RBFOX1: variants seen among roughly 807,000 people sequenced by gnomAD.
The protein encoded by RBFOX1 is RNA binding fox-1 homolog 1, also known as RNA binding protein fox-1 homolog 1.
RBFOX1 carries 8 observed loss-of-function variants against 57.7 expected under a neutral mutation model. The observed-to-expected ratio is 0.14, with a 90% CI of 0.08 to 0.25. The LOEUF (loss-of-function observed/expected upper bound fraction) is 0.25, where lower values mean the gene tolerates loss of function less well. Among genes scored for constraint, RBFOX1 ranks in the 10% least tolerant of loss-of-function variants. The pLI is 1.00. For synonymous variants in RBFOX1, 326 were observed against 222.4 expected (o/e 1.47, Z -4.15); for missense variants, 611 against 548.5 (o/e 1.11, Z -1.14).
intron 4 of RBFOX1, among the ~76,000 whole-genome samples, chr16:5,993,399 C>CAG (rs61066524): frequency 0.016 from 1,098 of 70,342 alleles, 30 homozygotes; most frequent in African/African-American, 0.056. Context: ...GAGAGAGAGA[C>CAG]AGAGAGAGAG....
At chr16:5,349,033 C>T (rs1239035939) in intron 1 of RBFOX1, among the ~76,000 whole-genome samples, 1 of 152,158 alleles carries the variant, frequency 6.6e-6, no homozygotes, top group African/African-American at 2.4e-5. Flanking sequence ...ACAATCCCAT[C>T]CAAAATGTGC....
intron 3 of RBFOX1, among the ~76,000 whole-genome samples, chr16:5,679,980 A>G (rs1294248995): frequency 5.9e-5 from 9 of 152,330 alleles, no homozygotes; most frequent in African/African-American, 1.9e-4. Flanking sequence ...TGTTTTAAGA[A>G]AAGGAGGAAC....
chr16:6,483,363 C>T (rs757527433), intron 2 of RBFOX1: 81 of 1,500,966 alleles, frequency 5.4e-5, no homozygotes, highest in Non-Finnish European at 7.1e-5. Flanking sequence ...CCCGGGCGAG[C>T]GAAGGCGCGC....
At chr16:7,259,378 C>T (rs1174253140) in intron 4 of RBFOX1, among the ~76,000 whole-genome samples, 1 of 152,074 alleles carries the variant, frequency 6.6e-6, no homozygotes, top group Non-Finnish European at 1.5e-5. Flanking sequence ...GTTCAGCACA[C>T]ATCACATATA....
At chr16:5,645,871 T>C (rs2151344215) in intron 3 of RBFOX1, among the ~76,000 whole-genome samples, 2 of 152,308 alleles carry the variant, frequency 1.3e-5, no homozygotes, top group Middle Eastern at 6.8e-3. Context: ...GGTCTTGCTA[T>C]GTTGTTATGC....
At chr16:6,107,640 G>C (rs566982891) in intron 1 of RBFOX1, among the ~76,000 whole-genome samples, 1 of 150,000 alleles carries the variant, frequency 6.7e-6, no homozygotes, top group South Asian at 2.2e-4. Context: ...TGAATGAATT[G>C]GTGGACGGAT....
intron 3 of RBFOX1, among the ~76,000 whole-genome samples, chr16:5,848,540 A>T (rs1018136548): frequency 6.6e-6 from 1 of 152,250 alleles, no homozygotes; most frequent in Admixed American, 6.5e-5. Context: ...AACAAAGTTT[A>T]TACCCAGCAC....
Position 7,605,880 on chromosome 16 carries a change from C to T in RBFOX1, c.623-1405C>T, listed in dbSNP as rs555649477. ...TTGAGACAGAGTCTCACTCTGTCAC[C>T]TAGGCTGGAGTACAGTGGCACCATC... On this transcript the variant is annotated intron_variant, in intron 9 of 15. Coordinates refer to ENST00000550418, the MANE Select transcript of RBFOX1 (RefSeq NM_018723.4). Among the ~76,000 whole-genome samples the T allele has an allele frequency of 6.4e-4, 97 of 152,252 alleles. 1 individual carries two copies. Among genetic ancestry groups the T allele is most frequent in the Non-Finnish European group, 8.4e-4 (57 of 68,016 alleles).
chr16:5,764,551 A>G (rs2053709342), intron 3 of RBFOX1, among the ~76,000 whole-genome samples: 1 of 152,162 alleles, frequency 6.6e-6, no homozygotes, highest in Non-Finnish European at 1.5e-5. Flanking sequence ...TGATTTCTCT[A>G]AGATGCTAGA....
chr16:6,823,337 AC>A (rs1253630806), intron 3 of RBFOX1, among the ~76,000 whole-genome samples: 8 of 151,776 alleles, frequency 5.3e-5, no homozygotes, highest in Non-Finnish European at 1.2e-4. Flanking sequence ...ACTCACTGCA[AC>A]CTCCACCTCT....
chr16:6,154,993 C>T (rs754124212), intron 1 of RBFOX1, among the ~76,000 whole-genome samples: 18 of 152,102 alleles, frequency 1.2e-4, no homozygotes, highest in Non-Finnish European at 2.1e-4. Flanking sequence ...ATTCTCAATG[C>T]TTCCATTGTT....
chr16:6,026,756 T>C (rs1206766191), intron 1 of RBFOX1, among the ~76,000 whole-genome samples: 1 of 152,254 alleles, frequency 6.6e-6, no homozygotes, highest in Admixed American at 6.5e-5. Context: ...CCTTGGAGTC[T>C]CAAGGCCCTG....
intron 2 of RBFOX1, among the ~76,000 whole-genome samples, chr16:6,506,437 T>G (rs946988238): frequency 6.6e-6 from 1 of 151,288 alleles, no homozygotes; most frequent in Admixed American, 6.6e-5. Flanking sequence ...AAGGAGAGGG[T>G]TTCGTGGTCA....
intron 1 of RBFOX1, among the ~76,000 whole-genome samples, chr16:6,217,253 T>G (rs1254906290): frequency 7.0e-6 from 1 of 142,632 alleles, no homozygotes; most frequent in Non-Finnish European, 1.5e-5. Flanking sequence ...CTTTCAGAGA[T>G]ATATTTGAGA....
chr16:7,252,903 T>C (rs972174209), intron 4 of RBFOX1, among the ~76,000 whole-genome samples: 4 of 152,152 alleles, frequency 2.6e-5, no homozygotes, highest in African/African-American at 9.7e-5. Flanking sequence ...AGCCGTTATC[T>C]TAGAGCCTCC....
intron 2 of RBFOX1, among the ~76,000 whole-genome samples, chr16:6,366,289 G>A (rs1398556115): frequency 2.0e-5 from 3 of 152,020 alleles, no homozygotes. Context: ...TTTGACAGAT[G>A]TTCTAAACTC....
intron 1 of RBFOX1, among the ~76,000 whole-genome samples, chr16:5,339,470 G>GTGTTTTTTTTTTTTTTTTTTTTTTTTTT: frequency 2.4e-5 from 1 of 40,854 alleles, no homozygotes; most frequent in Non-Finnish European, 4.5e-5. Context: ...CTTTTTCCGT[G>GTGTTTTTTTTTTTTTTTTTTTTTTTTTT]TTTTTTTTTT....
At chr16:7,586,652 T>A (rs2094141950) in intron 6 of RBFOX1, among the ~76,000 whole-genome samples, 1 of 152,224 alleles carries the variant, frequency 6.6e-6, no homozygotes, top group Non-Finnish European at 1.5e-5. Flanking sequence ...TTGTCTAAAA[T>A]CTATTTGTTT....
intron 14 of RBFOX1, among the ~76,000 whole-genome samples, chr16:7,702,405 A>G (rs927062867): frequency 1.3e-5 from 2 of 152,212 alleles, no homozygotes; most frequent in African/African-American, 4.8e-5. Flanking sequence ...AATTGCCAAG[A>G]GATTTGTCAG....
Sources: allele counts gnomAD v4.1 joint callset (sites outside exome capture counted in the v4.1 genomes callset), GRCh38; gene constraint gnomAD v4.1.1; transcripts MANE v1.5; gene names NCBI Gene and HGNC (gene_info 2026-07-23, HGNC 2026-07-21).